The following MTF2 variants were observed in gnomAD, a reference collection of about 807,000 sequenced individuals.
MTF2 encodes the protein metal-response element-binding transcription factor 2.
A neutral mutation model predicts 79.5 loss-of-function variants in MTF2; 11 were observed. The ratio of observed to expected loss-of-function variants is 0.14; its 90% CI spans 0.09 to 0.23. The LOEUF (loss-of-function observed/expected upper bound fraction) is 0.23, where lower values mean the gene tolerates loss of function less well. Ranked by LOEUF, MTF2 falls within the 10% of genes least tolerant of loss-of-function variation. The pLI, the probability that MTF2 is intolerant of heterozygous loss-of-function variation, is 1.00. For missense variants in MTF2, 486 were observed against 711.2 expected (o/e 0.68, Z 3.60); for synonymous variants, 208 against 232.8 (o/e 0.89, Z 0.97).
intron 1 of MTF2, among the ~76,000 whole-genome samples, chr1:93,087,994 C>T (rs1654918205): frequency 6.6e-6 from 1 of 152,286 alleles, no homozygotes; most frequent in South Asian, 2.1e-4. Context: ...AAGCCCTTAT[C>T]ATCCATATGC....
Position 93,127,290 on chromosome 1 carries a change from A to G in MTF2, c.980A>G (p.Tyr327Cys). 1.2e-6 allele frequency: 2 copies of G among 1,606,036 alleles called. No individual in the cohort carries two copies. The highest frequency in any genetic ancestry group is 1.7e-4 in the Middle Eastern group (1 of 6,044). The change falls in exon 10 of 15, where the codon TAC (tyrosine) becomes TGC (cysteine). Residue 327 changes from tyrosine (Y) to cysteine (C), a missense_variant. Around this residue, in one of 4 missense-constraint regions of MTF2, gnomAD observed 177 missense variants for 364.0 expected, o/e 0.49. Coordinates refer to ENST00000370298, the MANE Select transcript of MTF2 (RefSeq NM_007358.4). ...YEHVLEALND[Y>C]KTMFMSGKEI... The stretch of plus-strand genomic sequence containing the variant: ...CATGTTCTGGAGGCATTAAATGATT[A>G]CAAGACCATGTAAGTTGATTTATTT...
chr1:93,114,888 AATTAT>A, intron 4 of MTF2, 95 bp from the exon 5 acceptor site: 4 of 1,212,100 alleles, frequency 3.3e-6, no homozygotes, highest in Non-Finnish European at 4.6e-6. Flanking sequence ...CCTTTTTATT[AATTAT>A]ATTAATGTAG....
At chr1:93,113,088 A>G (rs1656095726) in intron 3 of MTF2, among the ~76,000 whole-genome samples, 1 of 152,286 alleles carries the variant, frequency 6.6e-6, no homozygotes, top group East Asian at 1.9e-4. Context: ...AAGTGTACCA[A>G]GAAGCAAACA....
In MTF2 at chr1:93,096,626, CT is replaced by C. The variant is rs199843686; in HGVS notation, c.6-13595del. 2.1e-3 allele frequency among the ~76,000 whole-genome samples: 314 copies of C among 150,538 alleles called. 2 individuals are homozygous for C. Among genetic ancestry groups the C allele is most frequent in the African/African-American group, 7.0e-3 (287 of 40,992 alleles). On this transcript the variant is annotated intron_variant, in intron 1 of 14. Transcript: ENST00000370298. ...ATGAGATAGCTACTCAATTCATTAA[CT>C]TTTTTTTTCTTTTCTATTATATGTA...
intron 3 of MTF2, among the ~76,000 whole-genome samples, chr1:93,113,977 G>C (rs1348949515): frequency 1.3e-5 from 2 of 151,436 alleles, no homozygotes; most frequent in African/African-American, 4.9e-5. Context: ...GTGTTAGGGT[G>C]GTAAATTGTA....
chr1:93,092,688 CAT>C (rs1353518767), intron 1 of MTF2, among the ~76,000 whole-genome samples: 8 of 152,012 alleles, frequency 5.3e-5, no homozygotes, highest in Admixed American at 1.3e-4. Flanking sequence ...TTAGATGAAA[CAT>C]AATGTTATAG....
intron 1 of MTF2, among the ~76,000 whole-genome samples, chr1:93,082,798 A>G (rs1654662127): frequency 6.6e-6 from 1 of 152,132 alleles, no homozygotes; most frequent in African/African-American, 2.4e-5. Flanking sequence ...CACCATACCT[A>G]ATTTCAGAAT....
chr1:93,100,955 T>G (rs61800904), intron 1 of MTF2, among the ~76,000 whole-genome samples: 27 of 152,216 alleles, frequency 1.8e-4, no homozygotes, highest in Admixed American at 1.0e-3. Context: ...ATTATATCCT[T>G]CACATGCTAT....
chr1:93,112,269 T>C (rs1336404953), intron 3 of MTF2, among the ~76,000 whole-genome samples: 1 of 152,224 alleles, frequency 6.6e-6, no homozygotes, highest in Non-Finnish European at 1.5e-5. Context: ...ACCTGCGTTA[T>C]GGCATATTTC....
chr1:93,135,219 G>T (rs1647337416), intron 14 of MTF2, among the ~76,000 whole-genome samples: 2 of 152,120 alleles, frequency 1.3e-5, no homozygotes, highest in African/African-American at 4.8e-5. Context: ...TGATCCACCT[G>T]CCTCGGCCTC....
intron 7 of MTF2, among the ~76,000 whole-genome samples, chr1:93,118,861 A>T (rs1171220137): frequency 6.6e-6 from 1 of 152,266 alleles, no homozygotes; most frequent in Non-Finnish European, 1.5e-5. Context: ...AGCTCCAGGA[A>T]CAAAAAGCTA....
intron 9 of MTF2, among the ~76,000 whole-genome samples, chr1:93,126,158 GTT>G (rs36038463): frequency 2.9e-4 from 43 of 148,992 alleles, no homozygotes; most frequent in South Asian, 4.2e-4. Context: ...TATTTAACAT[GTT>G]TTTTTTTTTT....
intron 1 of MTF2, among the ~76,000 whole-genome samples, chr1:93,107,022 C>T (rs1450949797): frequency 1.3e-5 from 2 of 152,184 alleles, no homozygotes; most frequent in Non-Finnish European, 2.9e-5. Flanking sequence ...TTTAACCCCT[C>T]TAATTATACT....
chr1:93,129,559 T>C, intron 11 of MTF2, 111 bp downstream of exon 11: 1 of 127,210 alleles, frequency 7.9e-6, no homozygotes. Context: ...GTTACTCTGA[T>C]TTTTTTTTTT....
intron 1 of MTF2, among the ~76,000 whole-genome samples, chr1:93,099,549 A>G (rs1305129002): frequency 6.6e-6 from 1 of 152,224 alleles, no homozygotes; most frequent in Non-Finnish European, 1.5e-5. Flanking sequence ...GGAAGTTTTC[A>G]ACATTCAATA....
intron 1 of MTF2, among the ~76,000 whole-genome samples, chr1:93,106,972 T>C (rs1655821038): frequency 6.6e-6 from 1 of 152,232 alleles, no homozygotes; most frequent in Admixed American, 6.5e-5. Flanking sequence ...GCATTTTTAC[T>C]TCTGTTCTCT....
At chr1:93,085,357 T>C (rs1218883303) in intron 1 of MTF2, among the ~76,000 whole-genome samples, 1 of 151,954 alleles carries the variant, frequency 6.6e-6, no homozygotes, top group Non-Finnish European at 1.5e-5. Flanking sequence ...TTTGTATTTT[T>C]TAGTAGAGAC....
chr1:93,092,618 A>G (rs569948269), intron 1 of MTF2, among the ~76,000 whole-genome samples: 41 of 152,258 alleles, frequency 2.7e-4, no homozygotes, highest in African/African-American at 9.4e-4. Flanking sequence ...GATGAGAATG[A>G]ATGAGGAGAG....
chr1:93,123,933 A>C (rs922746491), intron 9 of MTF2, among the ~76,000 whole-genome samples: 4 of 151,986 alleles, frequency 2.6e-5, no homozygotes, highest in Non-Finnish European at 5.9e-5. Flanking sequence ...TGATGAAGCT[A>C]CATCAATACA....
Sources: gnomAD v4.1 joint callset for allele counts (sites outside exome capture counted in the v4.1 genomes callset) on GRCh38, gnomAD v4.1.1 for gene constraint, gnomAD v4.1.1 regional missense constraint, MANE v1.5 for transcripts, NCBI Gene and HGNC (gene_info 2026-07-23, HGNC 2026-07-21) for gene names.